The following MAPKAPK2 variants were observed in gnomAD, a reference collection of about 807,000 sequenced individuals.
MAPKAPK2 encodes MAPK activated protein kinase 2.
Under a neutral mutation model 48.8 loss-of-function variants are expected in MAPKAPK2, and 9 were observed. That is an observed-to-expected ratio of 0.18 (90% CI 0.11 to 0.32). The LOEUF (loss-of-function observed/expected upper bound fraction) is 0.32. Among genes scored for constraint, MAPKAPK2 ranks in the 10% least tolerant of loss-of-function variants. MAPKAPK2 has a pLI of 1.00. For missense variants in MAPKAPK2, 331 were observed against 498.3 expected (o/e 0.66, Z 3.20); for synonymous variants, 202 against 190.6 (o/e 1.06, Z -0.49).
rs575116237 is a variant in MAPKAPK2, at chr1:206,704,975, T to C, written c.279+19467T>C. On this transcript the variant is annotated intron_variant, in intron 1 of 9. Transcript: ENST00000367103. The surrounding 1 kb of genome is among the most constrained non-coding windows in gnomAD (Gnocchi z 4.3). ...ACAGTCTGCAATGCACATTACTGAA[T>C]TAAAAGCTCTGAGAAGTTCTACAGT... is the stretch of plus-strand genomic sequence containing the variant. Among the ~76,000 whole-genome samples the C allele has an allele frequency of 3.9e-5, 6 of 152,192 alleles. No homozygotes were observed. Among genetic ancestry groups the C allele is most frequent in the Admixed American group, 3.9e-4 (6 of 15,280 alleles).
At chr1:206,691,582 A>G (rs2102374635) in intron 1 of MAPKAPK2, among the ~76,000 whole-genome samples, 1 of 150,464 alleles carries the variant, frequency 6.6e-6, no homozygotes, top group African/African-American at 2.4e-5. Flanking sequence ...AGCAAAAATA[A>G]GTGCATACAT....
intron 6 of MAPKAPK2, 87 bp downstream of exon 6, chr1:206,730,850 G>A: frequency 7.1e-7 from 1 of 1,418,156 alleles, no homozygotes; most frequent in South Asian, 1.2e-5. Context: ...GCAGACGTTA[G>A]CATTCCCCTT....
chr1:206,697,095 CCTT>C (rs1672651791), intron 1 of MAPKAPK2, among the ~76,000 whole-genome samples: 1 of 152,232 alleles, frequency 6.6e-6, no homozygotes, highest in African/African-American at 2.4e-5. Flanking sequence ...TGCCTCTCCT[CCTT>C]CTCCCTGTTC....
rs1332384261 is a variant in MAPKAPK2 at position 206,732,761 on chromosome 1, T to C, written c.*43T>C. On this transcript the variant is annotated 3_prime_UTR_variant, in exon 10 of 10. Coordinates refer to ENST00000367103, the MANE Select transcript of MAPKAPK2 (RefSeq NM_032960.4). The surrounding 1 kb of genome is among the most constrained non-coding windows in gnomAD (Gnocchi z 4.4). ...CCCACGGGAGGACAAGCAATAACTC[T>C]CTACAGGAATATATTTTTTAAACGA... 1 of 1,605,630 alleles carries C rather than the reference T, an allele frequency of 6.2e-7. No homozygotes were observed. The highest frequency in any genetic ancestry group is 8.5e-7 in the Non-Finnish European group (1 of 1,175,394).
At chr1:206,709,154 A>G (rs1282978573) in intron 1 of MAPKAPK2, among the ~76,000 whole-genome samples, 4 of 152,170 alleles carry the variant, frequency 2.6e-5, no homozygotes, top group Non-Finnish European at 4.4e-5. Flanking sequence ...TATTGTTCCT[A>G]TCTGACTCTC....
At chr1:206,696,328 A>C (rs1480055778) in intron 1 of MAPKAPK2, 1 of 781,550 alleles carries the variant, frequency 1.3e-6, no homozygotes, top group African/African-American at 1.7e-5. Flanking sequence ...TAGATATCGG[A>C]TTGGACTGTA....
At position 206,713,568 on chromosome 1, in the gene MAPKAPK2, G is replaced by GA. The variant is rs537132371; in HGVS notation, c.280-15138dup. On this transcript the variant is annotated intron_variant, in intron 1 of 9. Coordinates refer to ENST00000367103, the MANE Select transcript of MAPKAPK2 (RefSeq NM_032960.4). ...ACGTCTCCCTTCTAGAAACCAGTTA[G>GA]AAAACACAGAAGAGTAGGCCAGGCA... Among the ~76,000 whole-genome samples, 607 of 152,246 alleles carry GA rather than the reference G, an allele frequency of 4.0e-3. 1 individual carries two copies. The highest frequency in any genetic ancestry group is 0.014 in the African/African-American group (567 of 41,548).
intron 4 of MAPKAPK2, 40 bp downstream of exon 4, chr1:206,729,515 G>GGGCAACAAAGGGGCTGTGGCC (rs782166085): frequency 6.4e-7 from 1 of 1,550,598 alleles, no homozygotes; most frequent in South Asian, 1.1e-5. Flanking sequence ...GTGCTGTGGG[G>GGGCAACAAAGGGGCTGTGGCC]GGCAACAAAG....
At chr1:206,719,329 C>G (rs546976924) in intron 1 of MAPKAPK2, among the ~76,000 whole-genome samples, 1 of 152,192 alleles carries the variant, frequency 6.6e-6, no homozygotes, top group Non-Finnish European at 1.5e-5. Flanking sequence ...GAGCCAGGCC[C>G]CATCTTCTGG....
intron 6 of MAPKAPK2, 115 bp downstream of exon 6, chr1:206,730,878 T>G (rs933984015): frequency 1.2e-5 from 14 of 1,148,758 alleles, no homozygotes; most frequent in Non-Finnish European, 1.4e-5. Context: ...GGGAGTCCCC[T>G]GCGTGCCCCT....
At chr1:206,719,221 G>A (rs1673437032) in intron 1 of MAPKAPK2, among the ~76,000 whole-genome samples, 2 of 152,178 alleles carry the variant, frequency 1.3e-5, no homozygotes, top group African/African-American at 2.4e-5. Context: ...TCTACAGTGC[G>A]ATTTTTAGGC....
chr1:206,728,891 C>T (rs1553432231), intron 2 of MAPKAPK2, 42 bp downstream of exon 2: 2 of 1,612,212 alleles, frequency 1.2e-6, no homozygotes, highest in South Asian at 1.1e-5. Context: ...CCTGTTCCCA[C>T]TCCTCACTCA....
Position 206,729,997 on chromosome 1 carries a change from A to G in MAPKAPK2, c.590A>G (p.Lys197Arg), listed in dbSNP as rs782384462. ...VKPENLLYTS[K>R]RPNAILKLTD... ...CCTGAGAATCTCTTATACACCTCCA[A>G]AAGGCCCAACGCCATCCTGAAACTC... The change falls in exon 5 of 10, where the codon AAA becomes AGA. Residue 197 changes from lysine (K) to arginine (R), a missense_variant. Transcript: ENST00000367103. The G allele has an allele frequency of 1.2e-6, 2 of 1,614,086 alleles. No homozygotes were observed. Among genetic ancestry groups the G allele is most frequent in the Non-Finnish European group, 1.7e-6 (2 of 1,180,040 alleles).
chr1:206,706,539 C>G (rs1558578779), intron 1 of MAPKAPK2, among the ~76,000 whole-genome samples: 1 of 152,152 alleles, frequency 6.6e-6, no homozygotes, highest in Admixed American at 6.5e-5. Flanking sequence ...GCAGCTCTGA[C>G]CCCCGTGGGC....
At chr1:206,728,998 G>C in intron 2 of MAPKAPK2, 37 bp from the exon 3 acceptor site, 1 of 1,612,990 alleles carries the variant, frequency 6.2e-7, no homozygotes, top group Middle Eastern at 1.7e-4. Flanking sequence ...GCGGCGGGCT[G>C]TTGTGTTCTC....
intron 4 of MAPKAPK2, among the ~76,000 whole-genome samples, chr1:206,729,738 G>A (rs1376328908): frequency 2.1e-5 from 3 of 145,084 alleles, no homozygotes; most frequent in Admixed American, 1.4e-4. Context: ...CTCTGTTCCT[G>A]TGGTGTTTAC....
intron 1 of MAPKAPK2, among the ~76,000 whole-genome samples, chr1:206,697,532 A>G (rs1255277994): frequency 2.0e-5 from 3 of 151,444 alleles, no homozygotes; most frequent in Non-Finnish European, 4.4e-5. Flanking sequence ...AAGAGGGAGC[A>G]TGGGGGTGGG....
At chr1:206,708,687 C>T (rs1673040744) in intron 1 of MAPKAPK2, among the ~76,000 whole-genome samples, 1 of 152,080 alleles carries the variant, frequency 6.6e-6, no homozygotes. Flanking sequence ...TTGATAAATG[C>T]CTCTATCTGT....
intron 1 of MAPKAPK2, among the ~76,000 whole-genome samples, chr1:206,727,519 T>C (rs546338839): frequency 5.3e-5 from 8 of 152,346 alleles, no homozygotes; most frequent in African/African-American, 1.9e-4. Flanking sequence ...TTTATCCTCT[T>C]AGGCCCCCCT....
Sources: gnomAD v4.1 joint callset for allele counts (sites outside exome capture counted in the v4.1 genomes callset) on GRCh38, gnomAD v4.1.1 for gene constraint, Gnocchi (gnomAD v3.1) non-coding constraint, MANE v1.5 for transcripts, NCBI Gene and HGNC (gene_info 2026-07-23, HGNC 2026-07-21) for gene names.